SLC24A3: variants seen among roughly 807,000 people sequenced by gnomAD.
The protein encoded by SLC24A3 is sodium/potassium/calcium exchanger 3.
SLC24A3 carries 28 observed loss-of-function variants against 75.8 expected under a neutral mutation model. That is an observed-to-expected ratio of 0.37 (90% confidence interval 0.27 to 0.51). The LOEUF (loss-of-function observed/expected upper bound fraction) is 0.51. Ranked by LOEUF, SLC24A3 falls within the 20% of genes least tolerant of loss-of-function variation. SLC24A3 has a pLI of 0.94. For synonymous variants in SLC24A3, 372 were observed against 334.1 expected, an observed-to-expected ratio of 1.11 and a Z score of -1.24; for missense variants, 663 against 847.8, an observed-to-expected ratio of 0.78 and a Z score of 2.71.
intron 2 of SLC24A3, among the ~76,000 whole-genome samples, chr20:19,500,235 C>T (rs1253862754): frequency 6.6e-6 from 1 of 152,156 alleles, no homozygotes; most frequent in Non-Finnish European, 1.5e-5. Flanking sequence ...GCTTCTGTGT[C>T]GTAGACTCAG....
At position 19,253,760 on chromosome 20, in the gene SLC24A3, C is replaced by T. The variant is rs192817193; in HGVS notation, c.143-27199C>T. ...AGGAAAGTGCATGGAATGGTCCTGT[C>T]CTTAAAGAGCTTCTGGAGGAGATGG... On this transcript the variant is annotated intron_variant, in intron 1 of 16. Transcript: ENST00000328041. 3.5e-3 allele frequency among the ~76,000 whole-genome samples: 526 copies of T among 152,296 alleles called. 3 individuals carry two copies. Among genetic ancestry groups the T allele is most frequent in the Middle Eastern group, 6.8e-3 (2 of 294 alleles).
chr20:19,661,337 T>C (rs2032324016), intron 7 of SLC24A3, among the ~76,000 whole-genome samples: 1 of 152,126 alleles, frequency 6.6e-6, no homozygotes, highest in African/African-American at 2.4e-5. Context: ...AGTAGGAATT[T>C]CTGCTTAACT....
intron 3 of SLC24A3, among the ~76,000 whole-genome samples, chr20:19,577,202 C>T (rs772342342): frequency 7.2e-5 from 11 of 151,950 alleles, no homozygotes; most frequent in Non-Finnish European, 1.3e-4. Flanking sequence ...GTACAGGAGC[C>T]CACCACCACG....
rs572675465 is a variant in SLC24A3, at chr20:19,355,792, ATAAATGCT to A, written c.271+74706_271+74713del. ...CTGTCAGTTTGAATTGTTGATGAGC[ATAAATGCT>A]ATTTTGAGATGCCTGCTACATTGTA... On this transcript the variant is annotated intron_variant, in intron 2 of 16. Coordinates refer to ENST00000328041, the MANE Select transcript of SLC24A3 (RefSeq NM_020689.4). Among the ~76,000 whole-genome samples, 910 of 152,342 alleles carry A rather than the reference ATAAATGCT, an allele frequency of 6.0e-3. 4 individuals carry two copies. The highest frequency in any genetic ancestry group is 9.6e-3 in the Non-Finnish European group (654 of 68,036).
At chr20:19,703,474 TC>T in intron 15 of SLC24A3, among the ~76,000 whole-genome samples, 1 of 152,350 alleles carries the variant, frequency 6.6e-6, no homozygotes, top group South Asian at 2.1e-4. Context: ...TTTTATTTTT[TC>T]AACTGCAGCA....
intron 3 of SLC24A3, among the ~76,000 whole-genome samples, chr20:19,523,044 A>G (rs776058295): frequency 4.6e-5 from 7 of 152,186 alleles, no homozygotes; most frequent in Non-Finnish European, 1.0e-4. Flanking sequence ...AAACCCAAAA[A>G]ATCCTGCCAA....
intron 2 of SLC24A3, among the ~76,000 whole-genome samples, chr20:19,442,872 A>C (rs1376835480): frequency 6.6e-6 from 1 of 152,270 alleles, no homozygotes; most frequent in African/African-American, 2.4e-5. Context: ...TTTTTGGGAA[A>C]GGTGTAATGT....
chr20:19,336,932 A>C (rs1985149706), intron 2 of SLC24A3, among the ~76,000 whole-genome samples: 1 of 151,968 alleles, frequency 6.6e-6, no homozygotes, highest in South Asian at 2.1e-4. Context: ...ATGTTAATTC[A>C]TTACAGAGAC....
At chr20:19,599,024 G>A (rs955129048) in intron 6 of SLC24A3, among the ~76,000 whole-genome samples, 2 of 152,122 alleles carry the variant, frequency 1.3e-5, no homozygotes, top group Admixed American at 6.5e-5. Flanking sequence ...CAGTTGAGTC[G>A]ATGTGAAATT....
At chr20:19,250,313 T>A (rs1463751223) in intron 1 of SLC24A3, among the ~76,000 whole-genome samples, 1 of 152,238 alleles carries the variant, frequency 6.6e-6, no homozygotes, top group African/African-American at 2.4e-5. Flanking sequence ...ATACACATAC[T>A]GTCAGGAGCA....
intron 6 of SLC24A3, among the ~76,000 whole-genome samples, chr20:19,639,321 G>A (rs2032041138): frequency 6.6e-6 from 1 of 151,994 alleles, no homozygotes; most frequent in African/African-American, 2.4e-5. Context: ...TAGATACAGA[G>A]TGCTGATTGG....
intron 2 of SLC24A3, among the ~76,000 whole-genome samples, chr20:19,359,157 T>C (rs1209792863): frequency 6.6e-6 from 1 of 152,190 alleles, no homozygotes; most frequent in East Asian, 1.9e-4. Context: ...TGTGGGGCAA[T>C]GTAGTAATTT....
intron 2 of SLC24A3, among the ~76,000 whole-genome samples, chr20:19,386,927 T>G (rs1357985351): frequency 6.6e-6 from 1 of 152,172 alleles, no homozygotes; most frequent in Non-Finnish European, 1.5e-5. Context: ...TGGTATTCAT[T>G]CTTCTTTAAA....
chr20:19,533,514 T>C (rs1159661710), intron 3 of SLC24A3, among the ~76,000 whole-genome samples: 1 of 152,142 alleles, frequency 6.6e-6, no homozygotes, highest in African/African-American at 2.4e-5. Context: ...GAAGAGGCAA[T>C]ACCTATGTGG....
intron 2 of SLC24A3, among the ~76,000 whole-genome samples, chr20:19,316,756 A>T (rs561012807): frequency 5.3e-5 from 8 of 152,320 alleles, no homozygotes; most frequent in Admixed American, 1.3e-4. Flanking sequence ...GAGGAGGCAG[A>T]CTTCTTTAAG....
intron 2 of SLC24A3, among the ~76,000 whole-genome samples, chr20:19,310,732 T>G (rs1213228704): frequency 6.6e-6 from 1 of 152,218 alleles, no homozygotes; most frequent in Non-Finnish European, 1.5e-5. Context: ...TGCCTTCAGC[T>G]TCCAGTTACA....
rs1388416327 is a variant in SLC24A3 at position 19,684,343 on chromosome 20, G to A, written c.1062+7G>A. On this transcript the variant is annotated splice_region_variant and intron_variant, in intron 11 of 16. Coordinates refer to ENST00000328041, the MANE Select transcript of SLC24A3 (RefSeq NM_020689.4). ...TCGCATGTTGATCAATGAGGTACCT[G>A]GGAAAGCACTGTCCACTGCCCACTG... is the stretch of plus-strand genomic sequence containing the variant. 1 of 1,611,878 alleles carries A rather than the reference G, an allele frequency of 6.2e-7. No individual in the cohort carries two copies. Among genetic ancestry groups the A allele is most frequent in the Non-Finnish European group, 8.5e-7 (1 of 1,178,896 alleles).
chr20:19,386,763 C>T (rs1458023208), intron 2 of SLC24A3, among the ~76,000 whole-genome samples: 1 of 151,962 alleles, frequency 6.6e-6, no homozygotes, highest in East Asian at 1.9e-4. Context: ...GAGATAAATC[C>T]CACTTGGTCA....
At chr20:19,458,881 G>C (rs992814737) in intron 2 of SLC24A3, among the ~76,000 whole-genome samples, 3 of 152,190 alleles carry the variant, frequency 2.0e-5, no homozygotes, top group African/African-American at 7.2e-5. Context: ...TACTGTGTGA[G>C]CATTCTCAAG....
Sources: gnomAD v4.1 joint callset for allele counts (sites outside exome capture counted in the v4.1 genomes callset) on GRCh38, gnomAD v4.1.1 for gene constraint, MANE v1.5 for transcripts, NCBI Gene and HGNC (gene_info 2026-07-23, HGNC 2026-07-21) for gene names.